Variants in RNF213 observed in about 807,000 individuals in gnomAD.
RNF213 encodes E3 ubiquitin-protein ligase RNF213.
A neutral mutation model predicts 514.4 loss-of-function variants in RNF213; 341 were observed. That is an observed-to-expected ratio of 0.66 (90% CI 0.61 to 0.73). The LOEUF (loss-of-function observed/expected upper bound fraction) is 0.73. RNF213 is among the 30% of genes least tolerant of loss of function. RNF213 has a pLI of 0.00. For synonymous variants in RNF213, 2,655 were observed against 2,658.2 expected (o/e 1.00, Z 0.04); for missense variants, 5,767 against 6,615.6 (o/e 0.87, Z 4.45).
chr17:80,390,678 G>A (rs1043881619), intron 67 of RNF213, among the ~76,000 whole-genome samples: 3 of 151,414 alleles, frequency 2.0e-5, no homozygotes, highest in South Asian at 2.1e-4. Context: ...ATGAAAAGGC[G>A]TGAGCCACTA....
At chr17:80,327,697 A>G (rs2046315381) in intron 18 of RNF213, 119 bp from the exon 19 acceptor site, 3 of 812,872 alleles carry the variant, frequency 3.7e-6, no homozygotes, top group Admixed American at 5.4e-5. Context: ...CTGGCCAGCC[A>G]TTGCCTGTGT....
intron 3 of RNF213, among the ~76,000 whole-genome samples, chr17:80,273,845 C>G (rs1272333321): frequency 6.6e-6 from 1 of 152,008 alleles, no homozygotes; most frequent in African/African-American, 2.4e-5. Flanking sequence ...GTCTCAAACT[C>G]CTGACCTCAG....
Position 80,345,283 on chromosome 17 carries a change from A to G in RNF213, c.6948A>G (p.Thr2316=). The G allele has an allele frequency of 1.2e-6, 2 of 1,614,104 alleles. No homozygotes were observed. The highest frequency in any genetic ancestry group is 1.7e-6 in the Non-Finnish European group (2 of 1,180,038). The change falls in exon 29 of 68, where the codon ACA becomes ACG. Residue 2316 remains threonine (T), a synonymous_variant. Transcript: ENST00000582970. The surrounding 1 kb of genome is among the most constrained non-coding windows in gnomAD (Gnocchi z 6.0). ...VFFNDDHTTM[T]FIGFHLQPNI... is the part of the protein sequence containing the mutation. ...TCAATGACGACCACACAACCATGACATTCATCGGCTTCCATCTGCAGCCCA... is the reference window on the plus strand; with the variant it reads ...TCAATGACGACCACACAACCATGACGTTCATCGGCTTCCATCTGCAGCCCA...
chr17:80,342,290 A>G (rs926210005), intron 26 of RNF213, among the ~76,000 whole-genome samples: 1 of 152,144 alleles, frequency 6.6e-6, no homozygotes, highest in Admixed American at 6.6e-5. Flanking sequence ...TCATTTCACA[A>G]TGCATTTTTC....
chr17:80,298,959 A>G (rs2045071374), intron 11 of RNF213, among the ~76,000 whole-genome samples: 1 of 152,184 alleles, frequency 6.6e-6, no homozygotes, highest in Non-Finnish European at 1.5e-5. Flanking sequence ...AGCTTGGGCG[A>G]CAGAGCGAGA....
intron 14 of RNF213, among the ~76,000 whole-genome samples, chr17:80,310,872 C>T (rs1039257749): frequency 1.3e-5 from 2 of 152,136 alleles, no homozygotes; most frequent in African/African-American, 4.8e-5. Flanking sequence ...TTTAATCTTA[C>T]TTCAAGTTAG....
rs779357493 is a variant in RNF213, at chr17:80,347,744, C to T, written c.9409C>T (p.Arg3137Cys). The T allele has an allele frequency of 3.4e-5, 55 of 1,614,002 alleles. No homozygotes were observed. The highest frequency in any genetic ancestry group is 5.3e-5 in the African/African-American group (4 of 74,944). The part of the protein sequence containing the change: ...KYVDLGLGTH[R>C]VKCRVHPNFR... Reference sequence around the variant, plus strand: ...CGTGGACCTCGGTCTGGGGACCCACCGCGTCAAATGTCGGGTTCACCCCAA... The same window carrying T: ...CGTGGACCTCGGTCTGGGGACCCACTGCGTCAAATGTCGGGTTCACCCCAA... Residue 3137 changes from arginine to cysteine, a missense_variant, in exon 29 of 68, where the codon CGC (arginine) becomes TGC (cysteine). Physicochemically the swap from Arg to Cys is radical, Grantham distance 180. Coordinates refer to ENST00000582970, the MANE Select transcript of RNF213 (RefSeq NM_001256071.3). This position sits in a 1 kb window ranked among gnomAD's most constrained non-coding sequence, Gnocchi z 7.2.
chr17:80,394,366 G>A lies in RNF213; in HGVS notation c.*868G>A, dbSNP rs867731147. The A allele has an allele frequency of 2.0e-5, 3 of 152,232 alleles. No homozygotes were observed. The highest frequency in any genetic ancestry group is 7.2e-5 in the African/African-American group (3 of 41,454). 9.4% of individuals were successfully genotyped at this position (152,232 alleles called of 1,614,324 possible). A position where few individuals can be genotyped will look rare whatever the true frequency, so the allele number is the denominator to read the frequency against. On this transcript the variant is annotated 3_prime_UTR_variant, in exon 68 of 68. Transcript: ENST00000582970. ...ATGCAGTCTCAGTGTGCTCTCGCATGTATGAATATCTAGTCCTTTCTGTGG... is the reference window on the plus strand; with the variant it reads ...ATGCAGTCTCAGTGTGCTCTCGCATATATGAATATCTAGTCCTTTCTGTGG...
rs139431747 is a variant in RNF213, at chr17:80,380,876, G to A, written c.13686G>A (p.Pro4562=). The A allele has an allele frequency of 3.7e-5, 60 of 1,614,170 alleles. No homozygotes were observed. The highest frequency in any genetic ancestry group is 9.3e-5 in the African/African-American group (7 of 75,046). Residue 4562 remains proline, a synonymous_variant, in exon 56 of 68, where the codon CCG becomes CCA. Coordinates refer to ENST00000582970, the MANE Select transcript of RNF213 (RefSeq NM_001256071.3). ...AGACCGGCCACGTGCTGGGCAACCCGCAGCGGAGAGACGTGGTGACATGTG... is the reference window on the plus strand; with the variant it reads ...AGACCGGCCACGTGCTGGGCAACCCACAGCGGAGAGACGTGGTGACATGTG... ...RTQTGHVLGN[P]QRRDVVTCDR...
intron 3 of RNF213, among the ~76,000 whole-genome samples, chr17:80,280,969 G>A (rs1457100305): frequency 6.6e-6 from 1 of 151,934 alleles, no homozygotes; most frequent in Non-Finnish European, 1.5e-5. Context: ...GCGGACCGGA[G>A]CGTGTTGGTC....
chr17:80,372,662 C>T lies in RNF213; in HGVS notation c.12679C>T (p.Gln4227Ter). ...CAACGAGGCCTCGGTTGAATACCTG[C>T]AAGAGGTGGCCCGGATCCGCCTCTG... ...PANEASVEYLQEVARIRLCLD... is the reference protein window; with the variant it reads ...PANEASVEYL Residue 4227 changes from glutamine (Q) to a stop codon, truncating the protein, a stop_gained, in exon 48 of 68, where the codon CAA becomes TAA. Coordinates refer to ENST00000582970, the MANE Select transcript of RNF213 (RefSeq NM_001256071.3). LOFTEE classifies it high-confidence loss of function. 6.2e-7 allele frequency: 1 copy of T among 1,614,062 alleles called. No homozygotes were observed. The highest frequency in any genetic ancestry group is 8.5e-7 in the Non-Finnish European group (1 of 1,180,014).
rs1347791750 is a variant in RNF213 at position 80,298,433 on chromosome 17, A to G, written c.2125A>G (p.Lys709Glu). 5.0e-6 allele frequency: 8 copies of G among 1,614,044 alleles called. No individual in the cohort carries two copies. The highest frequency in any genetic ancestry group is 1.3e-5 in the African/African-American group (1 of 74,926). ...HCCMELAPRH[K>E]DAWRQPEDTW... ...CTGTATGGAGCTGGCCCCGCGGCAC[A>G]AGGATGCCTGGAGACAGCCTGAGGA... Residue 709 changes from lysine (K) to glutamate (E), a missense_variant, in exon 11 of 68, where the codon AAG becomes GAG. Lys to Glu is a moderately conservative substitution (Grantham distance 56). Coordinates refer to ENST00000582970, the MANE Select transcript of RNF213 (RefSeq NM_001256071.3).
In RNF213 at chr17:80,363,730, G is replaced by A. The variant is rs1461665024; in HGVS notation, c.11690G>A (p.Cys3897Tyr). 6.2e-7 allele frequency: 1 copy of A among 1,613,682 alleles called. No individual in the cohort carries two copies. Among genetic ancestry groups the A allele is most frequent in the African/African-American group, 1.3e-5 (1 of 74,946 alleles). ...CTTTCCATGCCGCTGGAGCTCATCTGCTCCGATGAGCACATGCAAGGCAGC... is the reference window on the plus strand; with the variant it reads ...CTTTCCATGCCGCTGGAGCTCATCTACTCCGATGAGCACATGCAAGGCAGC... ...KNLSMPLELI[C>Y]SDEHMQGSGS... Residue 3897 changes from cysteine to tyrosine, a missense_variant, in exon 41 of 68, where the codon TGC becomes TAC. By Grantham distance (194) the Cys-to-Tyr change is radical (BLOSUM62 -2). Transcript: ENST00000582970.
At chr17:80,368,619 G>C (rs569468258) in intron 44 of RNF213, among the ~76,000 whole-genome samples, 1 of 152,238 alleles carries the variant, frequency 6.6e-6, no homozygotes, top group East Asian at 1.9e-4. Flanking sequence ...TTTTAGTAGA[G>C]ACAGGGTTTC....
rs962784847 is a variant in RNF213 at position 80,281,918 on chromosome 17, G to A, written c.262-5897G>A. Among the ~76,000 whole-genome samples the A allele has an allele frequency of 1.1e-4, 17 of 152,002 alleles. No individual in the cohort carries two copies. The East Asian group carries it at 1.4e-3, about 12-fold the overall frequency. On this transcript the variant is annotated intron_variant, in intron 3 of 67. Coordinates refer to ENST00000582970, the MANE Select transcript of RNF213 (RefSeq NM_001256071.3). ...TTTGCCCAGGCTGGAGTGCAATGGC[G>A]TGATCTCGGCTCCCTGCAACCTCCG...
rs139626034 is a variant in RNF213 at position 80,377,140 on chromosome 17, C to T, written c.13510+177C>T. On this transcript the variant is annotated intron_variant, in intron 53 of 67. Transcript: ENST00000582970. This position sits in a 1 kb window ranked among gnomAD's most constrained non-coding sequence, Gnocchi z 4.1. Reference sequence around the variant, plus strand: ...GAATGGCTTGAAGGAGCTGGCACTCCGCCGGCTAGATGATCCAAACCATTT... The same window carrying T: ...GAATGGCTTGAAGGAGCTGGCACTCTGCCGGCTAGATGATCCAAACCATTT... 2.3e-4 allele frequency: 147 copies of T among 639,926 alleles called. No individual in the cohort carries two copies. Among genetic ancestry groups the T allele is most frequent in the Non-Finnish European group, 3.9e-4 (137 of 353,328 alleles). 39.6% of individuals were successfully genotyped at this position (639,926 alleles called of 1,614,324 possible). A position where few individuals can be genotyped will look rare whatever the true frequency, so the allele number is the denominator to read the frequency against.
chr17:80,290,825 TC>T, intron 7 of RNF213, 97 bp downstream of exon 7: 2 of 1,385,250 alleles, frequency 1.4e-6, no homozygotes, highest in South Asian at 1.2e-5. Flanking sequence ...TTTTTTTTTT[TC>T]TGAGACGGAG....
rs780118587 is a variant in RNF213, at chr17:80,288,044, C to G, written c.491C>G (p.Ser164Cys). Residue 164 changes from serine (S) to cysteine (C), a missense_variant, in exon 4 of 68, where the codon TCC (serine) becomes TGC (cysteine). By Grantham distance (112) the Ser-to-Cys change is moderately radical. Transcript: ENST00000582970. The surrounding 1 kb of genome is among the most constrained non-coding windows in gnomAD (Gnocchi z 4.9). ...ATTPLEGDGL[S>C]APTEVGDSPL... is the part of the protein sequence containing the mutation. ...ACGCCACTGGAGGGTGACGGCCTCT[C>G]CGCGCCCACCGAGGTTGGCGACAGC... The G allele has an allele frequency of 6.2e-7, 1 of 1,603,230 alleles. No individual in the cohort carries two copies. Among genetic ancestry groups the G allele is most frequent in the Non-Finnish European group, 8.5e-7 (1 of 1,175,004 alleles).
At position 80,286,537 on chromosome 17, in the gene RNF213, G is replaced by A. The variant is rs910989341; in HGVS notation, c.262-1278G>A. ...TCCTTGGGCCACACAGGGGCCGACC[G>A]TCAGCCGAGGGGCTCCTGAAGTGGC... On this transcript the variant is annotated intron_variant, in intron 3 of 67. Transcript: ENST00000582970. Among the ~76,000 whole-genome samples the A allele has an allele frequency of 1.2e-4, 18 of 152,036 alleles. 1 individual carries two copies. The highest frequency in any genetic ancestry group is 2.7e-4 in the African/African-American group (11 of 41,384).
Sources: gnomAD v4.1 joint callset for allele counts (sites outside exome capture counted in the v4.1 genomes callset) on GRCh38, gnomAD v4.1.1 for gene constraint, Gnocchi (gnomAD v3.1) non-coding constraint, MANE v1.5 for transcripts, NCBI Gene and HGNC (gene_info 2026-07-23, HGNC 2026-07-21) for gene names.